PTPRZ1: variants seen among roughly 807,000 people sequenced by gnomAD.
The protein encoded by PTPRZ1 is protein tyrosine phosphatase receptor type Z1.
Under a neutral mutation model 214.1 loss-of-function variants are expected in PTPRZ1, and 82 were observed. That is an observed-to-expected ratio of 0.38 (90% CI 0.32 to 0.46). The LOEUF is 0.46. Among genes scored for constraint, PTPRZ1 ranks in the 20% least tolerant of loss-of-function variants. PTPRZ1 has a pLI of 1.00. For synonymous variants in PTPRZ1, 945 were observed against 987.9 expected (o/e 0.96, Z 0.81); for missense variants, 2,603 against 2,748.7 (o/e 0.95, Z 1.19).
rs746978376 is a variant in PTPRZ1 at position 122,013,094 on chromosome 7, G to T, written c.4048G>T (p.Ala1350Ser). Residue 1350 changes from alanine to serine, a missense_variant, in exon 12 of 30, where the codon GCT becomes TCT. By Grantham distance (99) the Ala-to-Ser change is moderately conservative. This residue lies in a region of PTPRZ1 where 1,913 missense variants were observed against 1,914.3 expected (regional missense o/e 1.00). Transcript: ENST00000393386. ...AAGTTCTGTTACTGGTAAGGTATTT[G>T]CTGGTATTCCAACAGTTGCTTCTGA... ...TKSSVTGKVF[A>S]GIPTVASDTF... 2 of 1,613,784 alleles carry T rather than the reference G, an allele frequency of 1.2e-6. No individual in the cohort carries two copies. The highest frequency in any genetic ancestry group is 3.3e-5 in the Admixed American group (2 of 60,026).
chr7:121,997,555 C>T (rs1798181641), intron 9 of PTPRZ1, among the ~76,000 whole-genome samples: 1 of 151,752 alleles, frequency 6.6e-6, no homozygotes, highest in South Asian at 2.1e-4. Context: ...TGCAAATGCC[C>T]CCCATTTATT....
intron 4 of PTPRZ1, among the ~76,000 whole-genome samples, chr7:121,975,899 A>G (rs1797414890): frequency 6.6e-6 from 1 of 152,190 alleles, no homozygotes; most frequent in Admixed American, 6.5e-5. Flanking sequence ...TAATTCCATA[A>G]AGCAGTTAAA....
intron 6 of PTPRZ1, among the ~76,000 whole-genome samples, chr7:121,978,208 G>C (rs576029992): frequency 6.6e-6 from 1 of 152,154 alleles, no homozygotes; most frequent in Non-Finnish European, 1.5e-5. Context: ...TGAGAATATG[G>C]ATTCCCTAAC....
intron 8 of PTPRZ1, among the ~76,000 whole-genome samples, chr7:121,995,422 T>G (rs1267507649): frequency 6.6e-6 from 1 of 152,256 alleles, no homozygotes; most frequent in African/African-American, 2.4e-5. Flanking sequence ...TTTATTACTC[T>G]GCTTCGTTAG....
chr7:121,882,746 G>C (rs1225673370), intron 1 of PTPRZ1, among the ~76,000 whole-genome samples: 1 of 152,126 alleles, frequency 6.6e-6, no homozygotes, highest in African/African-American at 2.4e-5. Flanking sequence ...AGGAAGCTTG[G>C]TTAAAAGCCT....
intron 25 of PTPRZ1, among the ~76,000 whole-genome samples, chr7:122,053,207 C>G (rs58632103): frequency 6.6e-5 from 10 of 152,062 alleles, no homozygotes; most frequent in African/African-American, 2.4e-4. Flanking sequence ...GGGCATTATC[C>G]AAGTAGGTTT....
At chr7:121,972,761 T>A in intron 4 of PTPRZ1, 69 bp downstream of exon 4, 1 of 1,198,748 alleles carries the variant, frequency 8.3e-7, no homozygotes, top group Non-Finnish European at 1.1e-6. Context: ...TAGCATATAA[T>A]TTGATTAATT....
chr7:121,973,940 G>GAAA (rs371692415), intron 4 of PTPRZ1, among the ~76,000 whole-genome samples: 939 of 86,198 alleles, frequency 0.011, 31 homozygotes, highest in East Asian at 0.061. Context: ...TCTCAAAAAA[G>GAAA]AAAAAAAAAA....
At chr7:121,879,550 A>G (rs964379106) in intron 1 of PTPRZ1, among the ~76,000 whole-genome samples, 1 of 152,236 alleles carries the variant, frequency 6.6e-6, no homozygotes, top group African/African-American at 2.4e-5. Context: ...ATGTGGATGT[A>G]CGTGCTTTTG....
intron 1 of PTPRZ1, among the ~76,000 whole-genome samples, chr7:121,927,437 A>T (rs924181882): frequency 6.6e-6 from 1 of 152,190 alleles, no homozygotes; most frequent in African/African-American, 2.4e-5. Context: ...ATGCAGAGTG[A>T]GACTGGTTTT....
At chr7:122,037,812 T>G (rs1799595806) in intron 18 of PTPRZ1, among the ~76,000 whole-genome samples, 1 of 152,198 alleles carries the variant, frequency 6.6e-6, no homozygotes, top group Non-Finnish European at 1.5e-5. Context: ...TTTAGGTTCC[T>G]CATCTCCACA....
chr7:121,994,639 T>C (rs1798080534), intron 8 of PTPRZ1, among the ~76,000 whole-genome samples: 1 of 152,164 alleles, frequency 6.6e-6, no homozygotes, highest in Non-Finnish European at 1.5e-5. Flanking sequence ...CACTTCCAAC[T>C]TTTCTAAAAG....
intron 1 of PTPRZ1, among the ~76,000 whole-genome samples, chr7:121,896,420 A>G (rs550200448): frequency 1.3e-4 from 20 of 152,298 alleles, no homozygotes; most frequent in African/African-American, 4.6e-4. Context: ...ATTATTCACA[A>G]TAGCTGAGAG....
intron 1 of PTPRZ1, among the ~76,000 whole-genome samples, chr7:121,902,687 TTGTC>T (rs533777659): frequency 3.9e-5 from 6 of 152,170 alleles, no homozygotes; most frequent in Non-Finnish European, 8.8e-5. Flanking sequence ...ATTCAGATCT[TTGTC>T]TGTTTTTTAA....
intron 27 of PTPRZ1, 122 bp downstream of exon 27, chr7:122,055,209 A>G (rs1228622431): frequency 1.3e-6 from 1 of 767,888 alleles, no homozygotes; most frequent in Non-Finnish European, 1.9e-6. Context: ...TGAGACAAAT[A>G]CACAAATAAT....
At chr7:121,993,572 C>CAAAAAAAAAAAAAAAAAAAAAAAAAAA in intron 8 of PTPRZ1, among the ~76,000 whole-genome samples, 1 of 73,606 alleles carries the variant, frequency 1.4e-5, no homozygotes, top group Non-Finnish European at 2.5e-5. Flanking sequence ...GAGACTGTCT[C>CAAAAAAAAAAAAAAAAAAAAAAAAAAA]AAAAAAAAAA....
intron 2 of PTPRZ1, among the ~76,000 whole-genome samples, chr7:121,942,717 C>G (rs1206837650): frequency 3.9e-5 from 6 of 152,024 alleles, no homozygotes; most frequent in African/African-American, 1.4e-4. Context: ...CTTTATCTGG[C>G]CTTCATTTAA....
chr7:122,023,784 T>TATAATG (rs1271076755), intron 13 of PTPRZ1, among the ~76,000 whole-genome samples: 1 of 128,394 alleles, frequency 7.8e-6, no homozygotes, highest in Non-Finnish European at 1.6e-5. Context: ...ATAATATATA[T>TATAATG]TATATGTATA....
chr7:121,915,202 C>G (rs768617452), intron 1 of PTPRZ1, among the ~76,000 whole-genome samples: 1 of 152,048 alleles, frequency 6.6e-6, no homozygotes, highest in Non-Finnish European at 1.5e-5. Context: ...ACCAGACACT[C>G]CCTGATCAGG....
Sources: gnomAD v4.1 joint callset for allele counts (sites outside exome capture counted in the v4.1 genomes callset) on GRCh38, gnomAD v4.1.1 for gene constraint, gnomAD v4.1.1 regional missense constraint, MANE v1.5 for transcripts, NCBI Gene and HGNC (gene_info 2026-07-23, HGNC 2026-07-21) for gene names.